The following SLC6A15 variants were observed in gnomAD, a reference collection of about 807,000 sequenced individuals.
The protein encoded by SLC6A15 is solute carrier family 6 member 15, also known as sodium-dependent neutral amino acid transporter B(0)AT2.
SLC6A15 carries 33 observed loss-of-function variants against 68.5 expected under a neutral mutation model. The observed-to-expected ratio is 0.48, with a 90% CI of 0.37 to 0.64. The LOEUF (loss-of-function observed/expected upper bound fraction) is 0.64, where lower values mean the gene tolerates loss of function less well. Among genes scored for constraint, SLC6A15 ranks in the 30% least tolerant of loss-of-function variants. The probability of loss-of-function intolerance (pLI) is 0.00; values close to 1 mark genes in which losing one functional copy is unlikely to be tolerated. For synonymous variants in SLC6A15, 347 were observed against 301.0 expected, an observed-to-expected ratio of 1.15 and a Z score of -1.58; for missense variants, 747 against 874.3, an observed-to-expected ratio of 0.85 and a Z score of 1.84.
intron 2 of SLC6A15, among the ~76,000 whole-genome samples, chr12:84,889,066 T>C (rs1872258433): frequency 6.6e-6 from 1 of 152,154 alleles, no homozygotes; most frequent in Non-Finnish European, 1.5e-5. Context: ...GGAATGCCAC[T>C]CAGAGAGGCC....
At position 84,861,466 on chromosome 12, in the gene SLC6A15, C is replaced by A; in HGVS notation, c.*166G>T. 1 of 716,166 alleles carries A rather than the reference C, an allele frequency of 1.4e-6. No homozygotes were observed. Among genetic ancestry groups the A allele is most frequent in the South Asian group, 3.4e-5 (1 of 29,590 alleles). 44.4% of individuals were successfully genotyped at this position (716,166 alleles called of 1,614,324 possible). A position where few individuals can be genotyped will look rare whatever the true frequency, so the allele number is the denominator to read the frequency against. On this transcript the variant is annotated 3_prime_UTR_variant, in exon 12 of 12. Transcript: ENST00000266682. ...CTGCACAAATGTAAACCAAAGAATCCAAAAGAATGCTCAAGTTGAACTGAC... is the reference window on the plus strand; with the variant it reads ...CTGCACAAATGTAAACCAAAGAATCAAAAAGAATGCTCAAGTTGAACTGAC...
chr12:84,908,926 T>C (rs1193572772), intron 1 of SLC6A15, among the ~76,000 whole-genome samples: 3 of 152,108 alleles, frequency 2.0e-5, no homozygotes, highest in Admixed American at 6.5e-5. Flanking sequence ...CTGTATGATA[T>C]TCCTTGGTAT....
rs536338409 is a variant in SLC6A15, at chr12:84,861,390, A to T, written c.*242T>A. ...ATACACCAAAGGTACTTAAAAAAAA[A>T]TCCTGGCAAACATGTACCTCAGCCC... On this transcript the variant is annotated 3_prime_UTR_variant, in exon 12 of 12. Transcript: ENST00000266682. 110 of 380,030 alleles carry T rather than the reference A, an allele frequency of 2.9e-4. 1 individual carries two copies. The South Asian group carries it at 0.011, about 38-fold the overall frequency. The allele number at this position is 380,030 out of a possible 1,614,324, so 23.5% of individuals were successfully genotyped here. A position where few individuals can be genotyped will look rare whatever the true frequency, so the allele number is the denominator to read the frequency against.
At chr12:84,896,166 C>T (rs568605996) in intron 1 of SLC6A15, among the ~76,000 whole-genome samples, 140 of 152,246 alleles carry the variant, frequency 9.2e-4, no homozygotes, top group Non-Finnish European at 1.4e-3. Flanking sequence ...TCATCTGCAC[C>T]GAAGAGTTGT....
At chr12:84,885,291 C>G in intron 4 of SLC6A15, 144 bp downstream of exon 4, 2 of 761,470 alleles carry the variant, frequency 2.6e-6, no homozygotes, top group South Asian at 5.7e-5. Flanking sequence ...GTATGTCAAT[C>G]CTGAATGTGA....
chr12:84,892,881 A>G (rs1443663390), intron 1 of SLC6A15, among the ~76,000 whole-genome samples: 17 of 152,104 alleles, frequency 1.1e-4, no homozygotes, highest in Non-Finnish European at 1.5e-5. Context: ...TGCAGCCTGT[A>G]CCTCTCCCAG....
chr12:84,870,630 T>A lies in SLC6A15; in HGVS notation c.1343A>T (p.Glu448Val), dbSNP rs752479120. The A allele has an allele frequency of 6.2e-7, 1 of 1,612,176 alleles. No homozygotes were observed. The change falls in exon 9 of 12, where the codon GAA becomes GTA. Residue 448 changes from glutamate to valine, a missense_variant. Transcript: ENST00000266682. Reference sequence around the variant, plus strand: ...AGATGCAGGAAAATGTGTCATCGCTTCTGTAAAGGCAATAAAAGCTAAGCC... The same window carrying A: ...AGATGCAGGAAAATGTGTCATCGCTACTGTAAAGGCAATAAAAGCTAAGCC... Reference protein sequence around the residue: ...GTGLAFIAFTEAMTHFPASPF... With the variant: ...GTGLAFIAFTVAMTHFPASPF...
In SLC6A15 at chr12:84,906,535, T is replaced by C. The variant is rs563394209; in HGVS notation, c.-189+5988A>G. 5.3e-5 allele frequency among the ~76,000 whole-genome samples: 8 copies of C among 152,280 alleles called. No homozygotes were observed. In the East Asian group the frequency reaches 9.7e-4, roughly 18 times the overall value. ...TGATTCTATCGAATTTTGTGACTTATTATATAGCTACAGTAATGAAGTCTA... is the reference window on the plus strand; with the variant it reads ...TGATTCTATCGAATTTTGTGACTTACTATATAGCTACAGTAATGAAGTCTA... On this transcript the variant is annotated intron_variant, in intron 1 of 11. Coordinates refer to ENST00000266682, the MANE Select transcript of SLC6A15 (RefSeq NM_182767.6).
Position 84,893,355 on chromosome 12 carries a change from C to T in SLC6A15, c.-188-1047G>A, listed in dbSNP as rs146097317. Reference sequence around the variant, plus strand: ...TGAGACAAGAAATGCTCAAAATGTACATTATATATGTGATCAGTCTCTTAA... The same window carrying T: ...TGAGACAAGAAATGCTCAAAATGTATATTATATATGTGATCAGTCTCTTAA... On this transcript the variant is annotated intron_variant, in intron 1 of 11. Coordinates refer to ENST00000266682, the MANE Select transcript of SLC6A15 (RefSeq NM_182767.6). Among the ~76,000 whole-genome samples, 643 of 152,180 alleles carry T rather than the reference C, an allele frequency of 4.2e-3. 1 individual carries two copies. The highest frequency in any genetic ancestry group is 6.9e-3 in the Non-Finnish European group (470 of 67,992).
intron 2 of SLC6A15, 33 bp downstream of exon 2, chr12:84,891,799 T>C (rs1398936163): frequency 1.9e-6 from 3 of 1,572,614 alleles, no homozygotes; most frequent in Non-Finnish European, 2.6e-6. Context: ...TGCAATTTAC[T>C]ACAGTAATTT....
At chr12:84,906,283 A>T (rs1873149097) in intron 1 of SLC6A15, among the ~76,000 whole-genome samples, 1 of 152,182 alleles carries the variant, frequency 6.6e-6, no homozygotes, top group African/African-American at 2.4e-5. Flanking sequence ...TGATAAAGTA[A>T]ATGAAAGAAG....
At chr12:84,871,773 T>C (rs1871296249) in intron 8 of SLC6A15, among the ~76,000 whole-genome samples, 1 of 152,170 alleles carries the variant, frequency 6.6e-6, no homozygotes, top group Admixed American at 6.5e-5. Context: ...ATTTTCCTTT[T>C]CGACATACAG....
At chr12:84,879,732 G>A (rs529839112) in intron 5 of SLC6A15, among the ~76,000 whole-genome samples, 3 of 150,748 alleles carry the variant, frequency 2.0e-5, no homozygotes, top group Non-Finnish European at 4.5e-5. Flanking sequence ...AAAACATATT[G>A]CACATTAAGA....
Position 84,883,991 on chromosome 12 carries a change from G to A in SLC6A15, c.624C>T (p.Tyr208=). 6.2e-7 allele frequency: 1 copy of A among 1,614,174 alleles called. No homozygotes were observed. The highest frequency in any genetic ancestry group is 8.5e-7 in the Non-Finnish European group (1 of 1,180,032). The change falls in exon 5 of 12, where the codon TAC becomes TAT. Residue 208 remains tyrosine (Y), a synonymous_variant. Transcript: ENST00000266682. The stretch of plus-strand genomic sequence containing the variant: ...AACTTGAAATATTCAGTGCTTCCCT[G>A]TACCAGTAATAGGTGGTGGCAGAAC... ...EQSSATTYYW[Y]REALNISSSI...
chr12:84,901,052 A>T (rs1872853741), intron 1 of SLC6A15, among the ~76,000 whole-genome samples: 1 of 149,608 alleles, frequency 6.7e-6, no homozygotes, highest in Admixed American at 6.7e-5. Context: ...ATATACGTAT[A>T]TATGTATACG....
Position 84,894,998 on chromosome 12 carries a change from A to G in SLC6A15, c.-188-2690T>C, listed in dbSNP as rs147555795. Among the ~76,000 whole-genome samples, 465 of 152,212 alleles carry G rather than the reference A, an allele frequency of 3.1e-3. 2 individuals are homozygous for G. The highest frequency in any genetic ancestry group is 6.0e-3 in the Admixed American group (91 of 15,286). ...ATGCATTAAAAGCTCCTTTTCTCAT[A>G]TGAGCAAAAAACTATAATGAATCCT... On this transcript the variant is annotated intron_variant, in intron 1 of 11. Transcript: ENST00000266682.
intron 6 of SLC6A15, 54 bp downstream of exon 6, chr12:84,876,443 A>G: frequency 1.1e-6 from 1 of 904,102 alleles, no homozygotes; most frequent in Non-Finnish European, 1.7e-6. Flanking sequence ...ATATTTTAAC[A>G]ATAAACATAA....
rs567770388 is a variant in SLC6A15, at chr12:84,881,953, A to G, written c.756+1906T>C. The G allele has an allele frequency of 3.0e-6, 3 of 984,704 alleles. No individual in the cohort carries two copies. The South Asian group carries it at 1.4e-4, about 46-fold the overall frequency. The allele number at this position is 984,704 out of a possible 1,614,324, so 61.0% of individuals were successfully genotyped here. ...TTCTTTCTTCAAATATTGCCCAAAT[A>G]CTAGTCTTTTCCTGAGGCATTCTCA... On this transcript the variant is annotated intron_variant, in intron 5 of 11. Transcript: ENST00000266682.
chr12:84,906,292 A>C (rs1284586060), intron 1 of SLC6A15, among the ~76,000 whole-genome samples: 1 of 152,164 alleles, frequency 6.6e-6, no homozygotes, highest in African/African-American at 2.4e-5. Context: ...AAATGAAAGA[A>C]GATCTAAATG....
Sources: allele counts gnomAD v4.1 joint callset (sites outside exome capture counted in the v4.1 genomes callset), GRCh38; gene constraint gnomAD v4.1.1; transcripts MANE v1.5; gene names NCBI Gene and HGNC (gene_info 2026-07-23, HGNC 2026-07-21).